The following GLIS3 variants were observed in gnomAD, a reference collection of about 807,000 sequenced individuals.
GLIS3 encodes the protein zinc finger protein GLIS3.
GLIS3 carries 53 observed loss-of-function variants against 78.6 expected under a neutral mutation model. That is an observed-to-expected ratio of 0.67 (90% CI 0.54 to 0.85). The LOEUF is 0.85. GLIS3 is among the 40% of genes least tolerant of loss of function. GLIS3 has a pLI of 0.00. For missense variants in GLIS3, 1,703 were observed against 1,231.1 expected (o/e 1.38, Z -5.74); for synonymous variants, 684 against 509.9 (o/e 1.34, Z -4.60).
At chr9:4,084,391 G>A (rs758353295) in intron 4 of GLIS3, among the ~76,000 whole-genome samples, 2 of 152,018 alleles carry the variant, frequency 1.3e-5, no homozygotes, top group East Asian at 1.9e-4. Context: ...AAATGCATGC[G>A]CAAGGAGAGG....
At chr9:4,396,286 G>A in the GLIS3 span, among the ~76,000 whole-genome samples, 15 of 151,852 alleles carry the variant, frequency 9.9e-5, no homozygotes, top group African/African-American at 2.4e-4. Flanking sequence ...CTAAGTTTTC[G>A]TTTTTTGCAT....
chr9:3,948,814 CTTTAT>C (rs1237530054), intron 4 of GLIS3, among the ~76,000 whole-genome samples: 5 of 152,086 alleles, frequency 3.3e-5, no homozygotes, highest in Non-Finnish European at 5.9e-5. Context: ...ATGTTTCTTC[CTTTAT>C]TTTATCTCTT....
intron 2 of GLIS3, among the ~76,000 whole-genome samples, chr9:4,173,546 ATG>A (rs1342693247): frequency 6.9e-6 from 1 of 145,912 alleles, no homozygotes; most frequent in Non-Finnish European, 1.5e-5. Flanking sequence ...TAATATGTAT[ATG>A]TGTGTGTATA....
chr9:4,047,034 C>A (rs1825308305), intron 4 of GLIS3, among the ~76,000 whole-genome samples: 1 of 152,104 alleles, frequency 6.6e-6, no homozygotes, highest in Non-Finnish European at 1.5e-5. Context: ...TATTGTTTGG[C>A]TCTATGTCCC....
chr9:3,890,946 A>G (rs1822390767), intron 7 of GLIS3, among the ~76,000 whole-genome samples: 1 of 152,150 alleles, frequency 6.6e-6, no homozygotes, highest in African/African-American at 2.4e-5. Context: ...TGCCATGTGA[A>G]CTACTGGCAA....
At chr9:4,420,023 G>C in the GLIS3 span, among the ~76,000 whole-genome samples, 4 of 152,184 alleles carry the variant, frequency 2.6e-5, no homozygotes, top group African/African-American at 9.7e-5. Context: ...AATACACTGA[G>C]AGTAGTTATG....
intron 9 of GLIS3, among the ~76,000 whole-genome samples, chr9:3,833,807 G>A (rs2129988603): frequency 6.6e-6 from 1 of 152,260 alleles, no homozygotes; most frequent in East Asian, 1.9e-4. Context: ...TTCAAGAATG[G>A]AGGAGTGGAG....
At chr9:4,239,204 T>C (rs1354221767) in intron 2 of GLIS3, among the ~76,000 whole-genome samples, 2 of 145,170 alleles carry the variant, frequency 1.4e-5, no homozygotes, top group Non-Finnish European at 3.0e-5. Context: ...CATTAGGAGA[T>C]ATACCTAATG....
At chr9:3,837,744 T>G (rs994914199) in intron 9 of GLIS3, among the ~76,000 whole-genome samples, 4 of 152,190 alleles carry the variant, frequency 2.6e-5, no homozygotes, top group Non-Finnish European at 5.9e-5. Flanking sequence ...AGAGACAGTA[T>G]AAGTCCGTGG....
intron 4 of GLIS3, among the ~76,000 whole-genome samples, chr9:4,098,117 G>C (rs967310061): frequency 1.3e-5 from 2 of 152,172 alleles, no homozygotes; most frequent in Non-Finnish European, 2.9e-5. Flanking sequence ...GCAGTTGAGA[G>C]ATATGAAAAT....
intron 6 of GLIS3, chr9:3,899,085 C>T: frequency 1.9e-6 from 1 of 539,744 alleles, no homozygotes. Flanking sequence ...GATATTTCCA[C>T]TTCTGGCAAC....
At chr9:3,922,050 A>G (rs1373124243) in intron 6 of GLIS3, among the ~76,000 whole-genome samples, 1 of 152,188 alleles carries the variant, frequency 6.6e-6, no homozygotes, top group Non-Finnish European at 1.5e-5. Context: ...CATTTTGGCA[A>G]TATGTTGTAA....
the GLIS3 span, among the ~76,000 whole-genome samples, chr9:4,375,320 T>G: frequency 6.6e-6 from 1 of 152,286 alleles, no homozygotes; most frequent in Admixed American, 6.5e-5. Flanking sequence ...CAAACAGAAC[T>G]TTGGCTTTTT....
intron 4 of GLIS3, among the ~76,000 whole-genome samples, chr9:4,068,467 G>C (rs964172181): frequency 4.6e-5 from 7 of 152,060 alleles, no homozygotes; most frequent in African/African-American, 1.7e-4. Context: ...TTTTATGTAG[G>C]CAAAGAAAAA....
chr9:4,309,855 A>C (rs770667546), intron 3 of GLIS3, among the ~76,000 whole-genome samples: 22 of 152,206 alleles, frequency 1.4e-4, no homozygotes, highest in Non-Finnish European at 2.2e-4. Flanking sequence ...CAAGATGTAG[A>C]ACTTTGTATT....
At chr9:4,091,192 A>G (rs1047787276) in intron 4 of GLIS3, among the ~76,000 whole-genome samples, 12 of 152,014 alleles carry the variant, frequency 7.9e-5, no homozygotes, top group Non-Finnish European at 1.8e-4. Context: ...CCATCTCTAC[A>G]AAAATAATTT....
chr9:3,907,868 G>T (rs895068540), intron 6 of GLIS3, among the ~76,000 whole-genome samples: 2 of 152,142 alleles, frequency 1.3e-5, no homozygotes, highest in African/African-American at 2.4e-5. Context: ...GGCTTGTGGG[G>T]AAGGCATTCT....
At chr9:4,213,111 G>C (rs999413934) in intron 2 of GLIS3, among the ~76,000 whole-genome samples, 1 of 152,104 alleles carries the variant, frequency 6.6e-6, no homozygotes, top group South Asian at 2.1e-4. Flanking sequence ...CCCCTCCTTA[G>C]GCCTTGGTAT....
At chr9:4,117,712 A>C (rs1831774813) in intron 4 of GLIS3, 56 bp downstream of exon 4, 2 of 1,608,306 alleles carry the variant, frequency 1.2e-6, no homozygotes, top group Non-Finnish European at 1.7e-6. Context: ...AAACACACGT[A>C]CGCAAAGCAA....
Sources: allele counts gnomAD v4.1 joint callset (sites outside exome capture counted in the v4.1 genomes callset), GRCh38; gene constraint gnomAD v4.1.1; transcripts MANE v1.5; gene names NCBI Gene and HGNC (gene_info 2026-07-23, HGNC 2026-07-21).